Variants in KLRF1 observed in about 807,000 individuals in gnomAD.
KLRF1 encodes the protein killer cell lectin-like receptor subfamily F member 1.
Under a neutral mutation model 30.7 loss-of-function variants are expected in KLRF1, and 27 were observed. The ratio of observed to expected loss-of-function variants is 0.88; its 90% CI spans 0.65 to 1.21. The LOEUF (loss-of-function observed/expected upper bound fraction) is 1.21. Among genes scored for constraint, KLRF1 ranks in the 50% most tolerant of loss-of-function variants. The pLI, the probability that KLRF1 is intolerant of heterozygous loss-of-function variation, is 0.00. For synonymous variants in KLRF1, 92 were observed against 89.3 expected (o/e 1.03, Z -0.17); for missense variants, 246 against 259.3 (o/e 0.95, Z 0.35).
chr12:9,814,306 G>A, the KLRF1 span, among the ~76,000 whole-genome samples: 1 of 152,198 alleles, frequency 6.6e-6, no homozygotes, highest in Admixed American at 6.5e-5. Flanking sequence ...GCTGCGCACC[G>A]ACAGGCTTTC....
upstream of KLRF1, among the ~76,000 whole-genome samples, chr12:9,823,149 A>G (rs781460827): frequency 6.6e-6 from 1 of 151,356 alleles, no homozygotes; most frequent in Non-Finnish European, 1.5e-5. Context: ...CAGTATATAC[A>G]TTCTTCTCAT....
At chr12:9,825,994 A>G (rs2121183207), upstream of KLRF1, among the ~76,000 whole-genome samples, 1 of 152,358 alleles carries the variant, frequency 6.6e-6, no homozygotes, top group East Asian at 1.9e-4. Flanking sequence ...AAATAAACAA[A>G]AATAACACAA....
chr12:9,841,996 A>T, intron 4 of KLRF1, 45 bp downstream of exon 4: 2 of 1,552,046 alleles, frequency 1.3e-6, no homozygotes, highest in Non-Finnish European at 8.7e-7. Context: ...GCAGTAAAAA[A>T]TGGCTTTCCT....
the KLRF1 span, among the ~76,000 whole-genome samples, chr12:9,801,046 G>A: frequency 6.6e-6 from 1 of 151,574 alleles, no homozygotes; most frequent in Non-Finnish European, 1.5e-5. Context: ...CCCTCCCTGT[G>A]TCCATGTGTT....
intron 3 of KLRF1, among the ~76,000 whole-genome samples, chr12:9,839,759 T>TG (rs1303982279): frequency 1.3e-5 from 2 of 152,102 alleles, no homozygotes; most frequent in Non-Finnish European, 2.9e-5. Flanking sequence ...CACATATTTC[T>TG]GGTAGAAATG....
At chr12:9,800,439 G>A in the KLRF1 span, among the ~76,000 whole-genome samples, 1 of 152,084 alleles carries the variant, frequency 6.6e-6, no homozygotes, top group African/African-American at 2.4e-5. Context: ...TACCCAATAT[G>A]TAGTTTTTTA....
At chr12:9,801,808 C>G in the KLRF1 span, among the ~76,000 whole-genome samples, 1 of 152,082 alleles carries the variant, frequency 6.6e-6, no homozygotes, top group South Asian at 2.1e-4. Flanking sequence ...TGCCTGTTCA[C>G]TCTGAGGATA....
chr12:9,804,908 G>T, the KLRF1 span, among the ~76,000 whole-genome samples: 2 of 151,800 alleles, frequency 1.3e-5, no homozygotes, highest in Admixed American at 1.3e-4. Flanking sequence ...TATTGATATG[G>T]TATATTAAAT....
At chr12:9,802,511 A>T in the KLRF1 span, among the ~76,000 whole-genome samples, 1 of 152,098 alleles carries the variant, frequency 6.6e-6, no homozygotes, top group East Asian at 1.9e-4. Flanking sequence ...AGAAAGAAAT[A>T]AAGGATATTC....
chr12:9,824,528 G>T (rs1867260166), upstream of KLRF1, among the ~76,000 whole-genome samples: 1 of 152,116 alleles, frequency 6.6e-6, no homozygotes, highest in South Asian at 2.1e-4. Flanking sequence ...ACAGGTGAAA[G>T]CTGGAAGCAT....
intron 3 of KLRF1, among the ~76,000 whole-genome samples, chr12:9,836,974 G>T (rs1447714741): frequency 6.6e-6 from 1 of 151,958 alleles, no homozygotes; most frequent in African/African-American, 2.4e-5. Flanking sequence ...CTTAGCTGAG[G>T]TACAATTCAA....
the KLRF1 span, among the ~76,000 whole-genome samples, chr12:9,808,820 T>C: frequency 6.6e-6 from 1 of 152,110 alleles, no homozygotes; most frequent in Non-Finnish European, 1.5e-5. Flanking sequence ...ACATTAATGG[T>C]TTTGGAAAAC....
chr12:9,822,187 A>G, the KLRF1 span, among the ~76,000 whole-genome samples: 1 of 152,242 alleles, frequency 6.6e-6, no homozygotes, highest in Admixed American at 6.5e-5. Flanking sequence ...AATGACAGAA[A>G]TAGAATTCCG....
intron 1 of KLRF1, among the ~76,000 whole-genome samples, chr12:9,832,107 C>G (rs1267588443): frequency 6.6e-6 from 1 of 152,158 alleles, no homozygotes; most frequent in East Asian, 1.9e-4. Flanking sequence ...TTTGATATGA[C>G]ACGTATCATA....
chr12:9,842,089 A>G, intron 4 of KLRF1, 138 bp downstream of exon 4: 1 of 1,009,548 alleles, frequency 9.9e-7, no homozygotes, highest in African/African-American at 1.6e-5. Context: ...TTGTATTCCA[A>G]GTGAGTGCCT....
chr12:9,801,626 G>T, the KLRF1 span, among the ~76,000 whole-genome samples: 1 of 151,892 alleles, frequency 6.6e-6, no homozygotes. Flanking sequence ...TCATATGTTT[G>T]TTGGCCACAT....
rs1394729738 is a variant in KLRF1, at chr12:9,844,783, C to T, written c.*257C>T. The T allele has an allele frequency of 3.3e-5, 7 of 211,714 alleles. No individual in the cohort carries two copies. Among genetic ancestry groups the T allele is most frequent in the South Asian group, 1.4e-4 (1 of 7,184 alleles). 13.1% of individuals were successfully genotyped at this position (211,714 alleles called of 1,614,324 possible). On this transcript the variant is annotated 3_prime_UTR_variant, in exon 6 of 6. Transcript: ENST00000617889. ...GATCATATCCAGGATTTTTATTCGT[C>T]GCTTATTTTATGCCAAATGTGATCA...
chr12:9,843,031 A>G (rs1333201705), intron 5 of KLRF1, among the ~76,000 whole-genome samples: 7 of 152,188 alleles, frequency 4.6e-5, no homozygotes, highest in African/African-American at 1.4e-4. Flanking sequence ...GTGTTATTTT[A>G]TATGGCAAAA....
the KLRF1 span, among the ~76,000 whole-genome samples, chr12:9,822,359 A>G: frequency 6.6e-6 from 1 of 152,242 alleles, no homozygotes; most frequent in Non-Finnish European, 1.5e-5. Context: ...ACATTACAAG[A>G]ATTTCACAAT....
Sources: gnomAD v4.1 joint callset for allele counts (sites outside exome capture counted in the v4.1 genomes callset) on GRCh38, gnomAD v4.1.1 for gene constraint, MANE v1.5 for transcripts, NCBI Gene and HGNC (gene_info 2026-07-23, HGNC 2026-07-21) for gene names.